Variants in SAP30BP observed in about 807,000 individuals in gnomAD.
The protein encoded by SAP30BP is SAP30 binding protein, also known as SAP30-binding protein.
In SAP30BP, 31 loss-of-function variants were observed where a neutral mutation model predicts 46.3. The ratio of observed to expected loss-of-function variants is 0.67; its 90% CI spans 0.50 to 0.90. The LOEUF (loss-of-function observed/expected upper bound fraction) is 0.90. Among genes scored for constraint, SAP30BP ranks in the 40% least tolerant of loss-of-function variants. The pLI is 0.00. For missense variants in SAP30BP, 312 were observed against 391.0 expected (o/e 0.80, Z 1.70); for synonymous variants, 169 against 144.2 (o/e 1.17, Z -1.23).
intron 3 of SAP30BP, among the ~76,000 whole-genome samples, chr17:75,688,237 C>T (rs1199177325): frequency 6.6e-6 from 1 of 152,092 alleles, no homozygotes. Context: ...CCTCAAGGCT[C>T]GTGGGCCACA....
intron 1 of SAP30BP, chr17:75,668,104 C>T (rs1383987332): frequency 6.0e-6 from 1 of 165,424 alleles, no homozygotes; most frequent in Non-Finnish European, 1.3e-5. Context: ...GAATAAAGAA[C>T]AAGTTACCTA....
chr17:75,681,898 G>A (rs1225701096), intron 3 of SAP30BP, among the ~76,000 whole-genome samples: 2 of 152,102 alleles, frequency 1.3e-5, no homozygotes, highest in Non-Finnish European at 2.9e-5. Flanking sequence ...TGAGATAGGA[G>A]CCCCGAGTCC....
intron 2 of SAP30BP, among the ~76,000 whole-genome samples, chr17:75,671,484 C>A (rs891021652): frequency 6.6e-6 from 1 of 152,200 alleles, no homozygotes; most frequent in Non-Finnish European, 1.5e-5. Flanking sequence ...GTGGCCTGAT[C>A]TTACTCTTTC....
chr17:75,689,784 G>A lies in SAP30BP; in HGVS notation c.265-3656G>A, dbSNP rs149832322. Among the ~76,000 whole-genome samples, 1,132 of 152,278 alleles carry A rather than the reference G, an allele frequency of 7.4e-3. 10 individuals are homozygous for A. The highest frequency in any genetic ancestry group is 0.01 in the Non-Finnish European group (704 of 68,018). On this transcript the variant is annotated intron_variant, in intron 3 of 10. Coordinates refer to ENST00000584667, the MANE Select transcript of SAP30BP (RefSeq NM_013260.8). ...GTTGCTTTTTGCTTGTATCCTCACA[G>A]CCCTTCTTTCCGCTTCCTGCCTCTT...
intron 9 of SAP30BP, chr17:75,705,786 C>T (rs1424847500): frequency 5.9e-6 from 6 of 1,017,068 alleles, no homozygotes; most frequent in African/African-American, 1.6e-5. Context: ...CTGGTGATGC[C>T]GGGAGGGATA....
chr17:75,667,869 A>G (rs1274542006), intron 1 of SAP30BP, among the ~76,000 whole-genome samples: 1 of 152,222 alleles, frequency 6.6e-6, no homozygotes, highest in Non-Finnish European at 1.5e-5. Flanking sequence ...TTAGTTAGGA[A>G]TGTGCCCTAA....
chr17:75,705,865 A>C (rs372905983), intron 9 of SAP30BP, 143 bp from the exon 10 acceptor site: 6 of 1,250,720 alleles, frequency 4.8e-6, no homozygotes, highest in East Asian at 2.4e-5. Context: ...ATCTCGCCCT[A>C]CCCCAGATGG....
rs1371833177 is a variant in SAP30BP at position 75,706,748 on chromosome 17, C to T, written c.*227C>T. 2 of 564,136 alleles carry T rather than the reference C, an allele frequency of 3.5e-6. No homozygotes were observed. The highest frequency in any genetic ancestry group is 2.2e-5 in the South Asian group (1 of 44,884). 34.9% of individuals were successfully genotyped at this position (564,136 alleles called of 1,614,324 possible). On this transcript the variant is annotated 3_prime_UTR_variant, in exon 11 of 11. Coordinates refer to ENST00000584667, the MANE Select transcript of SAP30BP (RefSeq NM_013260.8). The surrounding 1 kb of genome is among the most constrained non-coding windows in gnomAD (Gnocchi z 4.6). ...GGGGTCTGCCGCCTATTAAAAGTGCCGTATTCTTACCTCTTGGCATCTCAG... is the reference window on the plus strand; with the variant it reads ...GGGGTCTGCCGCCTATTAAAAGTGCTGTATTCTTACCTCTTGGCATCTCAG...
chr17:75,670,193 G>A (rs186093719), intron 2 of SAP30BP, among the ~76,000 whole-genome samples: 6 of 152,098 alleles, frequency 3.9e-5, no homozygotes, highest in African/African-American at 9.6e-5. Context: ...ATGGTGGTAC[G>A]CACCTGTAGT....
intron 3 of SAP30BP, among the ~76,000 whole-genome samples, chr17:75,674,709 TTTTTTTTTTTTTTTTTG>T (rs2059963129): frequency 8.1e-6 from 1 of 122,734 alleles, no homozygotes; most frequent in African/African-American, 3.1e-5. Context: ...TTTTTTTTTT[TTTTTTTTTTTTTTTTTG>T]AGGTGGAGTC....
At chr17:75,671,987 C>G in intron 3 of SAP30BP, 124 bp downstream of exon 3, 2 of 822,670 alleles carry the variant, frequency 2.4e-6, no homozygotes, top group South Asian at 1.4e-5. Context: ...TGGACATTTT[C>G]TGGGATAAAA....
intron 3 of SAP30BP, among the ~76,000 whole-genome samples, chr17:75,674,697 G>GTT (rs66721865): frequency 0.017 from 1,019 of 61,476 alleles, 158 homozygotes; most frequent in South Asian, 0.028. Flanking sequence ...TTTGTTTTTT[G>GTT]TTTTTTTTTT....
intron 3 of SAP30BP, chr17:75,679,689 C>T (rs1034519327): frequency 6.6e-6 from 1 of 152,204 alleles, no homozygotes; most frequent in African/African-American, 2.4e-5. Context: ...CTGGGCGTTG[C>T]ATAGGAAACA....
At chr17:75,674,934 C>G (rs1414619212) in intron 3 of SAP30BP, among the ~76,000 whole-genome samples, 1 of 151,770 alleles carries the variant, frequency 6.6e-6, no homozygotes, top group African/African-American at 2.4e-5. Flanking sequence ...AACTCCTGGG[C>G]TCAAGTAATC....
In SAP30BP at chr17:75,703,372, G is replaced by A; in HGVS notation, c.549+1G>A. The A allele has an allele frequency of 1.2e-6, 2 of 1,613,878 alleles. No homozygotes were observed. The highest frequency in any genetic ancestry group is 1.7e-6 in the Non-Finnish European group (2 of 1,179,942). On this transcript the variant is annotated splice_donor_variant, in intron 7 of 10. Transcript: ENST00000584667. LOFTEE classifies it high-confidence loss of function. The stretch of plus-strand genomic sequence containing the variant: ...CGAGCTTGGCACCAACTACCCAAAG[G>A]TGCGTCTGGCACACGGGGCTGGAGG...
chr17:75,692,065 A>AG, intron 3 of SAP30BP: 1 of 223,250 alleles, frequency 4.5e-6, no homozygotes, highest in Non-Finnish European at 7.6e-6. Context: ...CCTGATTGGC[A>AG]GGGGGCAGTG....
chr17:75,703,923 A>T, intron 8 of SAP30BP, 64 bp downstream of exon 8: 2 of 1,205,010 alleles, frequency 1.7e-6, no homozygotes, highest in South Asian at 2.4e-5. Flanking sequence ...TTATCCAGTC[A>T]GTTGGTTATC....
intron 3 of SAP30BP, among the ~76,000 whole-genome samples, chr17:75,688,574 C>G (rs1034931705): frequency 1.4e-4 from 21 of 152,006 alleles, no homozygotes; most frequent in Non-Finnish European, 5.9e-5. Flanking sequence ...CTTTGTGGAA[C>G]TCAAGTTTGA....
intron 6 of SAP30BP, 21 bp downstream of exon 6, chr17:75,702,592 CAG>C: frequency 8.2e-7 from 1 of 1,222,176 alleles, no homozygotes; most frequent in Non-Finnish European, 1.2e-6. Flanking sequence ...CTTGAGCCTG[CAG>C]AGTTTATTGA....
Sources: allele counts gnomAD v4.1 joint callset (sites outside exome capture counted in the v4.1 genomes callset), GRCh38; gene constraint gnomAD v4.1.1; non-coding constraint Gnocchi (gnomAD v3.1); transcripts MANE v1.5; gene names NCBI Gene and HGNC (gene_info 2026-07-23, HGNC 2026-07-21).